The following FGGY variants were observed in gnomAD, a reference collection of about 807,000 sequenced individuals.
FGGY encodes FGGY carbohydrate kinase domain-containing protein.
FGGY carries 72 observed loss-of-function variants against 71.3 expected under a neutral mutation model. The observed-to-expected ratio is 1.01, with a 90% CI of 0.84 to 1.23. The LOEUF (loss-of-function observed/expected upper bound fraction) is 1.23. Ranked by LOEUF, FGGY falls within the 50% of genes most tolerant of loss-of-function variation. FGGY has a pLI of 0.00. For missense variants in FGGY, 668 were observed against 682.3 expected (o/e 0.98, Z 0.23); for synonymous variants, 251 against 250.3 (o/e 1.00, Z -0.02).
intron 1 of FGGY, among the ~76,000 whole-genome samples, chr1:59,302,850 C>A (rs202239021): frequency 1.3e-5 from 2 of 148,440 alleles, no homozygotes; most frequent in East Asian, 2.1e-4. Context: ...CCAAAAAAAA[C>A]CCCAAAAAAC....
chr1:59,374,469 G>C (rs993201217), intron 4 of FGGY, among the ~76,000 whole-genome samples: 1 of 152,190 alleles, frequency 6.6e-6, no homozygotes, highest in Non-Finnish European at 1.5e-5. Flanking sequence ...CTGTAAACTA[G>C]TTGAACCATT....
At chr1:59,611,298 AC>A (rs1289594934) in intron 9 of FGGY, among the ~76,000 whole-genome samples, 1 of 152,146 alleles carries the variant, frequency 6.6e-6, no homozygotes, top group Non-Finnish European at 1.5e-5. Flanking sequence ...ACAACCAGGT[AC>A]CCCTCTGAAA....
chr1:59,751,653 C>A (rs1380515816), intron 14 of FGGY, among the ~76,000 whole-genome samples: 1 of 152,016 alleles, frequency 6.6e-6, no homozygotes, highest in Non-Finnish European at 1.5e-5. Flanking sequence ...TTGTATGTGC[C>A]TATGTATCGA....
chr1:59,639,459 A>G (rs1287376923), intron 11 of FGGY, among the ~76,000 whole-genome samples: 1 of 152,222 alleles, frequency 6.6e-6, no homozygotes, highest in African/African-American at 2.4e-5. Flanking sequence ...CCTACACAAC[A>G]AATCATGAGC....
At chr1:59,411,387 A>G (rs932786910) in intron 5 of FGGY, among the ~76,000 whole-genome samples, 47 of 152,236 alleles carry the variant, frequency 3.1e-4, no homozygotes, top group Admixed American at 3.0e-3. Context: ...ACTTTGGCCA[A>G]TTTGTTAAGG....
At chr1:59,552,392 A>G (rs2095621446) in intron 7 of FGGY, among the ~76,000 whole-genome samples, 1 of 152,222 alleles carries the variant, frequency 6.6e-6, no homozygotes, top group Admixed American at 6.5e-5. Context: ...CTAACACAGA[A>G]AGTTTGGAAG....
At chr1:59,428,652 A>G (rs2066801753) in intron 5 of FGGY, among the ~76,000 whole-genome samples, 2 of 152,218 alleles carry the variant, frequency 1.3e-5, no homozygotes, top group Admixed American at 6.5e-5. Flanking sequence ...AAATGGGGCT[A>G]TAGCTTTTAA....
At chr1:59,557,410 AAATG>A (rs2095707648) in intron 8 of FGGY, among the ~76,000 whole-genome samples, 1 of 152,234 alleles carries the variant, frequency 6.6e-6, no homozygotes, top group African/African-American at 2.4e-5. Flanking sequence ...CAAAAAGAAT[AAATG>A]AATGAACGAA....
At chr1:59,298,295 G>A (rs1392350042) in intron 1 of FGGY, among the ~76,000 whole-genome samples, 1 of 152,082 alleles carries the variant, frequency 6.6e-6, no homozygotes, top group Non-Finnish European at 1.5e-5. Flanking sequence ...GGACCTCCTA[G>A]TGGGAGGCCC....
At chr1:59,376,223 C>G (rs984964424) in intron 4 of FGGY, among the ~76,000 whole-genome samples, 2 of 152,112 alleles carry the variant, frequency 1.3e-5, no homozygotes, top group Non-Finnish European at 2.9e-5. Context: ...TTAAGTTTTG[C>G]TTGATTTAAC....
chr1:59,296,784 G>C (rs2042006722), upstream of FGGY: 1 of 152,344 alleles, frequency 6.6e-6, no homozygotes, highest in Non-Finnish European at 1.5e-5. Context: ...CGGCGGGGGC[G>C]GGATCGCGCG....
chr1:59,617,945 G>A (rs2096772561), intron 9 of FGGY, among the ~76,000 whole-genome samples: 1 of 152,074 alleles, frequency 6.6e-6, no homozygotes, highest in South Asian at 2.1e-4. Context: ...CTAGCCTCAG[G>A]ATGTCACCTA....
At chr1:59,363,662 G>T (rs1015971170) in intron 4 of FGGY, among the ~76,000 whole-genome samples, 1 of 152,150 alleles carries the variant, frequency 6.6e-6, no homozygotes, top group Admixed American at 6.5e-5. Flanking sequence ...ACTGCTGTTG[G>T]ACCAGTCTGT....
chr1:59,743,286 A>C (rs961405366), intron 14 of FGGY, among the ~76,000 whole-genome samples: 1 of 152,148 alleles, frequency 6.6e-6, no homozygotes, highest in Admixed American at 6.5e-5. Flanking sequence ...TAGTTCCATA[A>C]GTTTCCATAG....
Position 59,558,075 on chromosome 1 carries a change from G to A in FGGY, c.903+3848G>A, listed in dbSNP as rs570369919. On this transcript the variant is annotated intron_variant, in intron 8 of 15. Transcript: ENST00000303721. ...CTTACTGTGTGAATTTAGGCAGGAT[G>A]CTTCATCTTTCAGTGCCTCAGTTTC... 5.9e-5 allele frequency among the ~76,000 whole-genome samples: 9 copies of A among 152,276 alleles called. No individual in the cohort carries two copies. The East Asian group carries it at 1.5e-3, about 26-fold the overall frequency.
intron 5 of FGGY, among the ~76,000 whole-genome samples, chr1:59,428,106 G>C (rs914298559): frequency 1.3e-5 from 2 of 152,204 alleles, no homozygotes; most frequent in Non-Finnish European, 2.9e-5. Context: ...GCTATTATGA[G>C]ACTTGATGGT....
intron 5 of FGGY, among the ~76,000 whole-genome samples, chr1:59,389,462 A>G (rs529917555): frequency 2.6e-5 from 4 of 152,294 alleles, no homozygotes; most frequent in African/African-American, 7.2e-5. Context: ...TTGCTTGTCC[A>G]TTCATCTTGT....
intron 4 of FGGY, among the ~76,000 whole-genome samples, chr1:59,372,886 A>G (rs564992793): frequency 6.6e-6 from 1 of 152,168 alleles, no homozygotes; most frequent in Non-Finnish European, 1.5e-5. Flanking sequence ...CTCTCAATAA[A>G]TTAGGTATTG....
intron 8 of FGGY, among the ~76,000 whole-genome samples, chr1:59,595,725 A>T (rs1364225463): frequency 6.6e-6 from 1 of 151,870 alleles, no homozygotes; most frequent in African/African-American, 2.4e-5. Flanking sequence ...AAAAACCACA[A>T]TCTCTATTTA....
Sources: allele counts gnomAD v4.1 joint callset (sites outside exome capture counted in the v4.1 genomes callset), GRCh38; gene constraint gnomAD v4.1.1; transcripts MANE v1.5; gene names NCBI Gene and HGNC (gene_info 2026-07-23, HGNC 2026-07-21).